XYLT1: variants seen among roughly 807,000 people sequenced by gnomAD.
XYLT1 encodes xylosyltransferase 1.
XYLT1 carries 36 observed loss-of-function variants against 91.3 expected under a neutral mutation model. The observed-to-expected ratio is 0.39, with a 90% CI of 0.30 to 0.52. The LOEUF (loss-of-function observed/expected upper bound fraction) is 0.52, where lower values mean the gene tolerates loss of function less well. Ranked by LOEUF, XYLT1 falls within the 20% of genes least tolerant of loss-of-function variation. The pLI, the probability that XYLT1 is intolerant of heterozygous loss-of-function variation, is 0.68. For synonymous variants in XYLT1, 588 were observed against 532.0 expected (o/e 1.11, Z -1.45); for missense variants, 1,242 against 1,284.5 (o/e 0.97, Z 0.51).
chr16:17,135,178 C>T (rs963990262), intron 8 of XYLT1, among the ~76,000 whole-genome samples: 2 of 152,100 alleles, frequency 1.3e-5, no homozygotes, highest in East Asian at 1.9e-4. Context: ...CTTTAAACAG[C>T]AATAGATCTG....
At chr16:17,262,741 T>C (rs2033741639) in intron 2 of XYLT1, among the ~76,000 whole-genome samples, 1 of 152,168 alleles carries the variant, frequency 6.6e-6, no homozygotes, top group Non-Finnish European at 1.5e-5. Context: ...CATGCATCCC[T>C]GAGTGAGGCC....
intron 5 of XYLT1, among the ~76,000 whole-genome samples, chr16:17,164,257 C>A (rs1228820916): frequency 1.3e-5 from 2 of 151,058 alleles, no homozygotes; most frequent in Non-Finnish European, 2.9e-5. Flanking sequence ...TTAGCTTTAT[C>A]TTATGCACCA....
intron 5 of XYLT1, among the ~76,000 whole-genome samples, chr16:17,191,662 C>T (rs1388993690): frequency 5.3e-5 from 8 of 152,146 alleles, no homozygotes; most frequent in African/African-American, 1.2e-4. Flanking sequence ...CTCTGGTCTT[C>T]GGGAGACTGT....
At chr16:17,192,686 A>G (rs1278048392) in intron 5 of XYLT1, among the ~76,000 whole-genome samples, 1 of 152,110 alleles carries the variant, frequency 6.6e-6, no homozygotes, top group Non-Finnish European at 1.5e-5. Context: ...GAGCACCTAG[A>G]GTCTCTAAAC....
intron 2 of XYLT1, among the ~76,000 whole-genome samples, chr16:17,356,367 G>C (rs1452126245): frequency 6.6e-6 from 1 of 152,096 alleles, no homozygotes; most frequent in African/African-American, 2.4e-5. Flanking sequence ...AGAGGAAACC[G>C]AATCCTTTTC....
chr16:17,322,929 T>G (rs1567374149), intron 2 of XYLT1, among the ~76,000 whole-genome samples: 1 of 152,188 alleles, frequency 6.6e-6, no homozygotes, highest in Admixed American at 6.5e-5. Flanking sequence ...GGGTGCTTGA[T>G]GAAAGCTTGT....
rs566134163 is a variant in XYLT1 at position 17,385,269 on chromosome 16, T to TACACACAC, written c.364-27227_364-27220dup. Among the ~76,000 whole-genome samples the TACACACAC allele has an allele frequency of 3.3e-3, 395 of 119,970 alleles. 5 individuals are homozygous for TACACACAC. Among genetic ancestry groups the TACACACAC allele is most frequent in the South Asian group, 0.014 (43 of 3,092 alleles). The allele number at this position is 119,970 out of a possible 152,430, so 78.7% of individuals were successfully genotyped here. Reference sequence around the variant, plus strand: ...TCCCCATAACACACATAAACACACATACACACACACACACACACACACACA... The same window carrying TACACACAC: ...TCCCCATAACACACATAAACACACATACACACACACACACACACACACACACACACACA... On this transcript the variant is annotated intron_variant, in intron 1 of 11. Coordinates refer to ENST00000261381, the MANE Select transcript of XYLT1 (RefSeq NM_022166.4).
intron 5 of XYLT1, among the ~76,000 whole-genome samples, chr16:17,169,333 T>C (rs952669334): frequency 1.1e-4 from 16 of 152,228 alleles, no homozygotes; most frequent in African/African-American, 3.6e-4. Flanking sequence ...TCAGTTTTAA[T>C]TGGATTTACC....
chr16:17,288,810 C>A (rs1040249374), intron 2 of XYLT1, among the ~76,000 whole-genome samples: 1 of 152,166 alleles, frequency 6.6e-6, no homozygotes, highest in Non-Finnish European at 1.5e-5. Flanking sequence ...CAACTGAGAT[C>A]AGGAGAACCA....
intron 6 of XYLT1, among the ~76,000 whole-genome samples, chr16:17,149,572 T>G (rs1005524622): frequency 6.6e-6 from 1 of 152,196 alleles, no homozygotes; most frequent in Non-Finnish European, 1.5e-5. Context: ...ATAAATCATA[T>G]AGACCCACAA....
At chr16:17,174,257 G>T (rs184277356) in intron 5 of XYLT1, among the ~76,000 whole-genome samples, 1 of 152,278 alleles carries the variant, frequency 6.6e-6, no homozygotes, top group African/African-American at 2.4e-5. Context: ...AACCACATAT[G>T]TTAAGAGTCA....
chr16:17,389,994 T>A (rs1188217177), intron 1 of XYLT1, among the ~76,000 whole-genome samples: 1 of 152,168 alleles, frequency 6.6e-6, no homozygotes, highest in Non-Finnish European at 1.5e-5. Flanking sequence ...CCTGCTTTAG[T>A]TACCACTCCT....
rs552188862 is a variant in XYLT1 at position 17,203,642 on chromosome 16, C to G, written c.914-2988G>C. ...CATTTATTCATCCATCCAAGTCCAACCATTCATCCATTGCTCCACCCATTC... is the reference window on the plus strand; with the variant it reads ...CATTTATTCATCCATCCAAGTCCAAGCATTCATCCATTGCTCCACCCATTC... On this transcript the variant is annotated intron_variant, in intron 3 of 11. Coordinates refer to ENST00000261381, the MANE Select transcript of XYLT1 (RefSeq NM_022166.4). Among the ~76,000 whole-genome samples the G allele has an allele frequency of 2.0e-5, 3 of 152,318 alleles. No homozygotes were observed. The South Asian group carries it at 6.2e-4, about 32-fold the overall frequency.
At chr16:17,396,538 G>C (rs1422692649) in intron 1 of XYLT1, among the ~76,000 whole-genome samples, 1 of 152,148 alleles carries the variant, frequency 6.6e-6, no homozygotes, top group East Asian at 1.9e-4. Context: ...GTAGACTGCT[G>C]ATAAGGGGCT....
chr16:17,281,892 T>C (rs2034064187), intron 2 of XYLT1, among the ~76,000 whole-genome samples: 3 of 152,316 alleles, frequency 2.0e-5, no homozygotes, highest in South Asian at 4.1e-4. Context: ...TAGGGTTCTA[T>C]GGTTCTATGG....
At chr16:17,112,508 G>T (rs150977567) in intron 11 of XYLT1, among the ~76,000 whole-genome samples, 1 of 152,096 alleles carries the variant, frequency 6.6e-6, no homozygotes, top group Non-Finnish European at 1.5e-5. Flanking sequence ...CTCCACTGGC[G>T]TGGGGGTGTG....
chr16:17,113,249 C>T (rs755494550), intron 11 of XYLT1, among the ~76,000 whole-genome samples: 4 of 152,140 alleles, frequency 2.6e-5, no homozygotes, highest in Non-Finnish European at 5.9e-5. Context: ...TCAAGCGATT[C>T]TCATGCCTCA....
intron 2 of XYLT1, chr16:17,338,587 T>A: frequency 2.2e-6 from 1 of 445,392 alleles, no homozygotes. Flanking sequence ...TGGTCTTTCG[T>A]GTCCCCTTAT....
At chr16:17,176,059 A>G (rs1218015989) in intron 5 of XYLT1, among the ~76,000 whole-genome samples, 1 of 149,362 alleles carries the variant, frequency 6.7e-6, no homozygotes, top group Non-Finnish European at 1.5e-5. Flanking sequence ...AATGCGGTAA[A>G]ATATCAGTGA....
Sources: allele counts gnomAD v4.1 joint callset (sites outside exome capture counted in the v4.1 genomes callset), GRCh38; gene constraint gnomAD v4.1.1; transcripts MANE v1.5; gene names NCBI Gene and HGNC (gene_info 2026-07-23, HGNC 2026-07-21).